Variants in ADGRG5 observed in about 807,000 individuals in gnomAD.
The protein encoded by ADGRG5 is G protein-coupled receptor 114.
ADGRG5 carries 37 observed loss-of-function variants against 53.2 expected under a neutral mutation model. That is an observed-to-expected ratio of 0.70 (90% CI 0.53 to 0.91). The LOEUF is 0.91. Among genes scored for constraint, ADGRG5 ranks in the 40% least tolerant of loss-of-function variants. The pLI, the probability that ADGRG5 is intolerant of heterozygous loss-of-function variation, is 0.00. For missense variants in ADGRG5, 614 were observed against 675.8 expected (o/e 0.91, Z 1.01); for synonymous variants, 277 against 290.4 (o/e 0.95, Z 0.47).
At chr16:57,540,214 G>C (rs2032470583), upstream of ADGRG5, among the ~76,000 whole-genome samples, 2 of 152,150 alleles carry the variant, frequency 1.3e-5, no homozygotes, top group Admixed American at 1.3e-4. Flanking sequence ...CTGCACTCCA[G>C]CCTGGCGACA....
At chr16:57,555,384 G>A (rs1401049866) in intron 1 of ADGRG5, among the ~76,000 whole-genome samples, 1 of 152,050 alleles carries the variant, frequency 6.6e-6, no homozygotes, top group East Asian at 1.9e-4. Flanking sequence ...TAAGCATCTG[G>A]TTTTTCCCCT....
At position 57,565,168 on chromosome 16, in the gene ADGRG5, C is replaced by A; in HGVS notation, c.546+18C>A. On this transcript the variant is annotated intron_variant, in intron 6 of 11. Transcript: ENST00000349457. ...AAAGCCTGGTACTGCTGGGGGCGCC[C>A]CCGTTTCCACTGCACCCCTGCCCCT... The A allele has an allele frequency of 6.9e-7, 1 of 1,452,634 alleles. No homozygotes were observed. Among genetic ancestry groups the A allele is most frequent in the Non-Finnish European group, 9.7e-7 (1 of 1,033,274 alleles). The allele number at this position is 1,452,634 out of a possible 1,614,324, so 90.0% of individuals were successfully genotyped here.
intron 1 of ADGRG5, among the ~76,000 whole-genome samples, chr16:57,554,640 T>G (rs1399652256): frequency 6.6e-6 from 1 of 152,210 alleles, no homozygotes; most frequent in East Asian, 1.9e-4. Flanking sequence ...CCTCCCAAAG[T>G]GCTGGGATTA....
chr16:57,541,856 C>T (rs1442262557), upstream of ADGRG5, among the ~76,000 whole-genome samples: 3 of 152,230 alleles, frequency 2.0e-5, no homozygotes, highest in Non-Finnish European at 4.4e-5. Flanking sequence ...CAGGCCTATC[C>T]AGCTGCCTGG....
chr16:57,554,935 T>G (rs1264593528), intron 1 of ADGRG5, among the ~76,000 whole-genome samples: 3 of 152,182 alleles, frequency 2.0e-5, no homozygotes, highest in Non-Finnish European at 4.4e-5. Flanking sequence ...ATGGGTTACT[T>G]AATAGTGTAT....
intron 2 of ADGRG5, 42 bp from the exon 3 acceptor site, chr16:57,562,342 G>C (rs757077237): frequency 6.5e-7 from 1 of 1,539,042 alleles, no homozygotes; most frequent in Non-Finnish European, 8.9e-7. Context: ...GGGGCCAGAG[G>C]GCAGTTGAGA....
intron 6 of ADGRG5, chr16:57,565,721 G>A (rs1333818447): frequency 6.5e-6 from 1 of 153,810 alleles, no homozygotes; most frequent in Non-Finnish European, 1.4e-5. Flanking sequence ...GCCAGGCCTG[G>A]GTCACACGGC....
chr16:57,533,325 C>G, the ADGRG5 span, among the ~76,000 whole-genome samples: 1 of 152,008 alleles, frequency 6.6e-6, no homozygotes, highest in Non-Finnish European at 1.5e-5. Context: ...TCTGGAGAAG[C>G]CCACCCCGCC....
chr16:57,555,335 G>A (rs375185083), intron 1 of ADGRG5, among the ~76,000 whole-genome samples: 2 of 152,084 alleles, frequency 1.3e-5, no homozygotes, highest in East Asian at 1.9e-4. Context: ...TACTGCTCTC[G>A]TGATAGTGAG....
At chr16:57,566,434 G>A in intron 6 of ADGRG5, 165 bp from the exon 7 acceptor site, 1 of 536,966 alleles carries the variant, frequency 1.9e-6, no homozygotes, top group Non-Finnish European at 3.1e-6. Context: ...AGCCCACAGT[G>A]GAGGTGGGAC....
At chr16:57,539,541 C>T (rs1346474054), upstream of ADGRG5, among the ~76,000 whole-genome samples, 1 of 151,358 alleles carries the variant, frequency 6.6e-6, no homozygotes, top group African/African-American at 2.4e-5. Flanking sequence ...CAGCCTCGAC[C>T]TCCTGGGCTC....
upstream of ADGRG5, among the ~76,000 whole-genome samples, chr16:57,541,345 G>A (rs8059632): frequency 0.02 from 2,992 of 152,282 alleles, 66 homozygotes; most frequent in South Asian, 0.068. Context: ...GGTGACCTCG[G>A]AAAGGAAGAG....
chr16:57,544,433 C>T (rs1391275329), intron 1 of ADGRG5, among the ~76,000 whole-genome samples: 3 of 152,052 alleles, frequency 2.0e-5, no homozygotes, highest in East Asian at 1.9e-4. Flanking sequence ...CTGTGGTTTG[C>T]TCCTGGGAAA....
At chr16:57,569,773 A>G (rs1207649852) in intron 9 of ADGRG5, among the ~76,000 whole-genome samples, 1 of 145,814 alleles carries the variant, frequency 6.9e-6, no homozygotes, top group Non-Finnish European at 1.5e-5. Context: ...CACCTCCTCC[A>G]CCTCCATCAT....
chr16:57,551,390 A>G (rs1318015163), intron 1 of ADGRG5, among the ~76,000 whole-genome samples: 1 of 152,214 alleles, frequency 6.6e-6, no homozygotes, highest in Non-Finnish European at 1.5e-5. Flanking sequence ...CGTCCTCTCA[A>G]ACCCTGCAGG....
the ADGRG5 span, among the ~76,000 whole-genome samples, chr16:57,530,643 C>G: frequency 6.6e-6 from 1 of 152,210 alleles, no homozygotes; most frequent in East Asian, 1.9e-4. Flanking sequence ...CGGCCCCCTC[C>G]TCTCTGCCCC....
upstream of ADGRG5, among the ~76,000 whole-genome samples, chr16:57,537,912 A>G (rs1422658415): frequency 6.8e-6 from 1 of 146,982 alleles, no homozygotes. Context: ...GGGCATCCAC[A>G]TTTTACAGCT....
At chr16:57,550,795 C>T (rs1476266947) in intron 1 of ADGRG5, among the ~76,000 whole-genome samples, 4 of 152,040 alleles carry the variant, frequency 2.6e-5, no homozygotes, top group South Asian at 2.1e-4. Flanking sequence ...TTTGGGAGGC[C>T]GAGGCGGGCG....
chr16:57,562,208 G>A (rs372612041), intron 2 of ADGRG5, 51 bp downstream of exon 2: 32 of 1,543,300 alleles, frequency 2.1e-5, no homozygotes, highest in Non-Finnish European at 2.7e-5. Context: ...TCGTGGGACT[G>A]TGATGCAAAA....
Sources: gnomAD v4.1 joint callset for allele counts (sites outside exome capture counted in the v4.1 genomes callset) on GRCh38, gnomAD v4.1.1 for gene constraint, MANE v1.5 for transcripts, NCBI Gene and HGNC (gene_info 2026-07-23, HGNC 2026-07-21) for gene names.